The following ZNF804A variants were observed in gnomAD, a reference collection of about 807,000 sequenced individuals.
ZNF804A encodes the protein zinc finger protein 804A.
Under a neutral mutation model 16.5 loss-of-function variants are expected in ZNF804A, and 2 were observed. The observed-to-expected ratio is 0.12, with a 90% CI of 0.05 to 0.38. The LOEUF is 0.38. Ranked by LOEUF, ZNF804A falls within the 10% of genes least tolerant of loss-of-function variation. ZNF804A has a pLI of 0.99. For synonymous variants in ZNF804A, 534 were observed against 489.6 expected (o/e 1.09, Z -1.20); for missense variants, 1,473 against 1,390.7 (o/e 1.06, Z -0.94).
intron 1 of ZNF804A, among the ~76,000 whole-genome samples, chr2:184,754,560 G>A (rs1033806227): frequency 6.6e-6 from 1 of 151,644 alleles, no homozygotes; most frequent in African/African-American, 2.4e-5. Flanking sequence ...TAAATTAATG[G>A]TAGAAATAAG....
At chr2:184,859,047 A>T (rs1349606901) in intron 1 of ZNF804A, among the ~76,000 whole-genome samples, 2 of 151,964 alleles carry the variant, frequency 1.3e-5, no homozygotes, top group East Asian at 3.9e-4. Flanking sequence ...CCTCCTTTAT[A>T]TGTTATTCGA....
rs149204384 is a variant in ZNF804A at position 184,610,374 on chromosome 2, T to A, written c.111+11304T>A. The stretch of plus-strand genomic sequence containing the variant: ...TTTGTTGCAAATACTTTAGAAAAAG[T>A]CTGAAACTCTGGGAGTTGCCAAAGA... On this transcript the variant is annotated intron_variant, in intron 1 of 3. Transcript: ENST00000302277. Among the ~76,000 whole-genome samples the A allele has an allele frequency of 3.6e-3, 545 of 152,240 alleles. 6 individuals carry two copies. The highest frequency in any genetic ancestry group is 0.012 in the African/African-American group (515 of 41,538).
chr2:184,919,311 T>C (rs1180025752), intron 2 of ZNF804A, among the ~76,000 whole-genome samples: 1 of 152,192 alleles, frequency 6.6e-6, no homozygotes, highest in Non-Finnish European at 1.5e-5. Context: ...GGAATAGTGC[T>C]GTATCAGGGG....
chr2:184,667,830 A>G lies in ZNF804A; in HGVS notation c.111+68760A>G, dbSNP rs371570075. Among the ~76,000 whole-genome samples, 10 of 151,980 alleles carry G rather than the reference A, an allele frequency of 6.6e-5. No individual in the cohort carries two copies. The East Asian group carries it at 1.7e-3, about 26-fold the overall frequency. ...AATCTTTTTGTGTGAAAATTATTTA[A>G]AATTTCTAAATAGCTATCATATAAT... On this transcript the variant is annotated intron_variant, in intron 1 of 3. Transcript: ENST00000302277.
intron 1 of ZNF804A, among the ~76,000 whole-genome samples, chr2:184,657,857 C>CTGTG (rs1389026698): frequency 6.6e-6 from 1 of 152,056 alleles, no homozygotes; most frequent in East Asian, 1.9e-4. Context: ...AGTTAACAGG[C>CTGTG]TGTGGAAGGA....
intron 1 of ZNF804A, among the ~76,000 whole-genome samples, chr2:184,856,367 G>A (rs991126248): frequency 6.6e-6 from 1 of 151,704 alleles, no homozygotes; most frequent in African/African-American, 2.4e-5. Context: ...AAAAAATGAT[G>A]TACAGTAATC....
At chr2:184,848,088 C>G (rs1343321232) in intron 1 of ZNF804A, among the ~76,000 whole-genome samples, 1 of 152,002 alleles carries the variant, frequency 6.6e-6, no homozygotes, top group East Asian at 1.9e-4. Flanking sequence ...TTCAGCCCTT[C>G]TCTCCCTGTT....
chr2:184,630,723 TG>T (rs886213024), intron 1 of ZNF804A, among the ~76,000 whole-genome samples: 3 of 152,104 alleles, frequency 2.0e-5, no homozygotes, highest in African/African-American at 7.2e-5. Flanking sequence ...GGCTGCCAAA[TG>T]CCTGGAGATT....
At chr2:184,691,983 T>C (rs543504856) in intron 1 of ZNF804A, among the ~76,000 whole-genome samples, 10 of 152,190 alleles carry the variant, frequency 6.6e-5, no homozygotes, top group African/African-American at 2.2e-4. Flanking sequence ...TTTCTAAAGG[T>C]CTGTATTAGA....
chr2:184,764,862 C>T (rs983366704), intron 1 of ZNF804A, among the ~76,000 whole-genome samples: 15 of 151,750 alleles, frequency 9.9e-5, no homozygotes, highest in African/African-American at 3.6e-4. Flanking sequence ...ATGTTTTAGT[C>T]CATACAATTA....
intron 1 of ZNF804A, among the ~76,000 whole-genome samples, chr2:184,834,450 T>C (rs914062263): frequency 6.6e-6 from 1 of 152,096 alleles, no homozygotes; most frequent in African/African-American, 2.4e-5. Context: ...GAGCTAGATG[T>C]TTTGTTTTCT....
At chr2:184,625,322 T>C (rs1051056997) in intron 1 of ZNF804A, among the ~76,000 whole-genome samples, 1 of 152,184 alleles carries the variant, frequency 6.6e-6, no homozygotes, top group African/African-American at 2.4e-5. Context: ...ATTATTGCTT[T>C]CTTATTTTTT....
chr2:184,675,043 C>T (rs959665622), intron 1 of ZNF804A, among the ~76,000 whole-genome samples: 1 of 151,652 alleles, frequency 6.6e-6, no homozygotes, highest in Non-Finnish European at 1.5e-5. Flanking sequence ...TGTGCGTGAA[C>T]ATGGCTGTAC....
At chr2:184,735,788 A>G (rs1046485610) in intron 1 of ZNF804A, among the ~76,000 whole-genome samples, 1 of 152,154 alleles carries the variant, frequency 6.6e-6, no homozygotes, top group African/African-American at 2.4e-5. Context: ...TTATTCTTCA[A>G]GCCAAAATGA....
chr2:184,852,047 T>A (rs2105804514), intron 1 of ZNF804A, among the ~76,000 whole-genome samples: 1 of 151,878 alleles, frequency 6.6e-6, no homozygotes, highest in Non-Finnish European at 1.5e-5. Flanking sequence ...GTTTTCTTAG[T>A]CTTTAGTCAT....
At chr2:184,887,755 C>T (rs113993502) in intron 2 of ZNF804A, among the ~76,000 whole-genome samples, 3,721 of 152,226 alleles carry the variant, frequency 0.024, 85 homozygotes, top group Non-Finnish European at 0.034. Flanking sequence ...AATTACCTCC[C>T]CCTTGGTCCC....
chr2:184,615,971 C>G (rs1691312897), intron 1 of ZNF804A, among the ~76,000 whole-genome samples: 1 of 152,128 alleles, frequency 6.6e-6, no homozygotes, highest in African/African-American at 2.4e-5. Flanking sequence ...GAACTTGGCC[C>G]AAGCATTGAC....
At chr2:184,732,273 A>G (rs1490048902) in intron 1 of ZNF804A, among the ~76,000 whole-genome samples, 1 of 151,238 alleles carries the variant, frequency 6.6e-6, no homozygotes, top group Admixed American at 6.6e-5. Context: ...GCATGTCAAT[A>G]TCCAGTTGTA....
chr2:184,805,859 GAAGT>G (rs1257704814), intron 1 of ZNF804A, among the ~76,000 whole-genome samples: 1 of 151,940 alleles, frequency 6.6e-6, no homozygotes, highest in Non-Finnish European at 1.5e-5. Context: ...AGACATCCAG[GAAGT>G]AAGTCTGTTA....
Sources: gnomAD v4.1 joint callset for allele counts (sites outside exome capture counted in the v4.1 genomes callset) on GRCh38, gnomAD v4.1.1 for gene constraint, MANE v1.5 for transcripts, NCBI Gene and HGNC (gene_info 2026-07-23, HGNC 2026-07-21) for gene names.